GPR158: variants seen among roughly 807,000 people sequenced by gnomAD.
The protein encoded by GPR158 is metabotropic glycine receptor.
GPR158 carries 30 observed loss-of-function variants against 78.2 expected under a neutral mutation model. The observed-to-expected ratio is 0.38, with a 90% CI of 0.29 to 0.52. The LOEUF is 0.52. Among genes scored for constraint, GPR158 ranks in the 20% least tolerant of loss-of-function variants. GPR158 has a pLI of 0.83. For missense variants in GPR158, 1,463 were observed against 1,523.5 expected, an observed-to-expected ratio of 0.96 and a Z score of 0.66; for synonymous variants, 581 against 591.1, an observed-to-expected ratio of 0.98 and a Z score of 0.25.
At chr10:25,279,529 G>A (rs1252807086) in intron 2 of GPR158, among the ~76,000 whole-genome samples, 1 of 151,798 alleles carries the variant, frequency 6.6e-6, no homozygotes, top group Non-Finnish European at 1.5e-5. Flanking sequence ...TTGTGCAGGG[G>A]GAAGTGTATT....
intron 2 of GPR158, among the ~76,000 whole-genome samples, chr10:25,301,814 T>A (rs1488586335): frequency 7.1e-6 from 1 of 141,456 alleles, no homozygotes; most frequent in Non-Finnish European, 1.5e-5. Context: ...TATGCCTGTG[T>A]TACCACTTGC....
intron 7 of GPR158, among the ~76,000 whole-genome samples, chr10:25,583,616 G>C (rs1837230715): frequency 6.6e-6 from 1 of 151,844 alleles, no homozygotes; most frequent in Non-Finnish European, 1.5e-5. Context: ...TCTGTCATTA[G>C]AAAGAAAACA....
chr10:25,394,418 T>C (rs1235320188), intron 2 of GPR158, among the ~76,000 whole-genome samples: 1 of 152,254 alleles, frequency 6.6e-6, no homozygotes, highest in Admixed American at 6.5e-5. Flanking sequence ...ATACATGTTA[T>C]AGTTACTTCT....
chr10:25,262,060 C>G (rs1483546436), intron 2 of GPR158, among the ~76,000 whole-genome samples: 1 of 152,036 alleles, frequency 6.6e-6, no homozygotes, highest in Admixed American at 6.6e-5. Flanking sequence ...TGTTCTGAAG[C>G]CTAGGGTTTG....
chr10:25,490,642 A>G (rs1212027995), intron 5 of GPR158, among the ~76,000 whole-genome samples: 3 of 150,332 alleles, frequency 2.0e-5, no homozygotes, highest in South Asian at 2.1e-4. Flanking sequence ...TTATGGCTGC[A>G]TAGTATTCCG....
chr10:25,219,126 C>T (rs1853261986), intron 1 of GPR158, among the ~76,000 whole-genome samples: 1 of 152,194 alleles, frequency 6.6e-6, no homozygotes, highest in Non-Finnish European at 1.5e-5. Context: ...ATTGAAAGTT[C>T]TGATAGTGAA....
At chr10:25,186,792 G>A (rs1249769957) in intron 1 of GPR158, among the ~76,000 whole-genome samples, 1 of 147,818 alleles carries the variant, frequency 6.8e-6, no homozygotes, top group African/African-American at 2.7e-5. Flanking sequence ...TCTACCAGAG[G>A]TACAAGGAGG....
intron 2 of GPR158, among the ~76,000 whole-genome samples, chr10:25,311,828 A>ACG (rs1554792870): frequency 2.0e-5 from 3 of 151,688 alleles, no homozygotes; most frequent in Non-Finnish European, 4.4e-5. Flanking sequence ...ACAGTTAAGA[A>ACG]TTTTTTTAAC....
At chr10:25,296,163 C>T (rs957246308) in intron 2 of GPR158, among the ~76,000 whole-genome samples, 3 of 152,000 alleles carry the variant, frequency 2.0e-5, no homozygotes, top group African/African-American at 7.3e-5. Flanking sequence ...CTTACTCTCA[C>T]CTCGAGGCAA....
chr10:25,568,936 T>C (rs1048588650), intron 6 of GPR158, among the ~76,000 whole-genome samples: 7 of 152,188 alleles, frequency 4.6e-5, no homozygotes, highest in African/African-American at 1.4e-4. Flanking sequence ...ATTTGAATTT[T>C]TTTCTACAGT....
At chr10:25,302,376 G>A (rs1427028329) in intron 2 of GPR158, among the ~76,000 whole-genome samples, 5 of 151,890 alleles carry the variant, frequency 3.3e-5, no homozygotes, top group African/African-American at 9.7e-5. Flanking sequence ...GAGCCACCGC[G>A]CCCGGCCATT....
intron 2 of GPR158, among the ~76,000 whole-genome samples, chr10:25,319,826 C>CT (rs1221126377): frequency 6.9e-6 from 1 of 144,510 alleles, no homozygotes; most frequent in Admixed American, 6.7e-5. Context: ...CACCCCACCC[C>CT]CCCCAAAAAA....
chr10:25,370,654 G>A (rs1833974520), intron 2 of GPR158, among the ~76,000 whole-genome samples: 1 of 149,898 alleles, frequency 6.7e-6, no homozygotes, highest in East Asian at 2.0e-4. Flanking sequence ...GTTGATTTGG[G>A]GTGGAGAGTT....
intron 2 of GPR158, among the ~76,000 whole-genome samples, chr10:25,337,481 A>C (rs1416464932): frequency 6.6e-6 from 1 of 152,068 alleles, no homozygotes; most frequent in Non-Finnish European, 1.5e-5. Context: ...GCGTAGCAAT[A>C]GTAGTTTATT....
chr10:25,474,486 C>A (rs953806910), intron 5 of GPR158, among the ~76,000 whole-genome samples: 1 of 152,094 alleles, frequency 6.6e-6, no homozygotes, highest in African/African-American at 2.4e-5. Flanking sequence ...AGATAAGTAT[C>A]AGTTTTTTAG....
chr10:25,412,518 CTCTTA>C, intron 4 of GPR158, 45 bp downstream of exon 4: 1 of 1,308,596 alleles, frequency 7.6e-7, no homozygotes, highest in Non-Finnish European at 1.1e-6. Flanking sequence ...ACAGAGCAAC[CTCTTA>C]TCTTTTTAAG....
In GPR158 at chr10:25,176,904, C is replaced by T. The variant is rs1017831689; in HGVS notation, c.902+582C>T. On this transcript the variant is annotated intron_variant, in intron 1 of 10. Transcript: ENST00000376351. The surrounding 1 kb of genome is among the most constrained non-coding windows in gnomAD (Gnocchi z 6.3). ...CCGGCCCCTCAGCAGTGAGTCAGTC[C>T]CAGCAGCTAGCTGTCTCTGGGATCC... 7.2e-5 allele frequency among the ~76,000 whole-genome samples: 11 copies of T among 152,142 alleles called. No individual in the cohort carries two copies. The highest frequency in any genetic ancestry group is 2.4e-4 in the African/African-American group (10 of 41,434).
chr10:25,397,918 G>A (rs552824694), intron 3 of GPR158, among the ~76,000 whole-genome samples: 1 of 152,190 alleles, frequency 6.6e-6, no homozygotes, highest in Non-Finnish European at 1.5e-5. Context: ...GAAGGAGAGA[G>A]AGAATCTTCT....
At position 25,176,210 on chromosome 10, in the gene GPR158, A is replaced by G. The variant is rs1279942006; in HGVS notation, c.790A>G (p.Lys264Glu). 2 of 1,592,274 alleles carry G rather than the reference A, an allele frequency of 1.3e-6. No individual in the cohort carries two copies. The highest frequency in any genetic ancestry group is 1.7e-6 in the Non-Finnish European group (2 of 1,170,644). ...GCTCGGCGGGGACAAGAGCCACTTCAAGTGGTCTCCGCCTTATCTGGAGTG... is the reference window on the plus strand; with the variant it reads ...GCTCGGCGGGGACAAGAGCCACTTCGAGTGGTCTCCGCCTTATCTGGAGTG... ...DGLGGDKSHFKWSPPYLECEN... is the reference protein window; with the variant it reads ...DGLGGDKSHFEWSPPYLECEN... The change falls in exon 1 of 11, where the codon AAG becomes GAG. Residue 264 changes from lysine to glutamate, a missense_variant. Transcript: ENST00000376351. This position sits in a 1 kb window ranked among gnomAD's most constrained non-coding sequence, Gnocchi z 6.3.
Sources: gnomAD v4.1 joint callset for allele counts (sites outside exome capture counted in the v4.1 genomes callset) on GRCh38, gnomAD v4.1.1 for gene constraint, Gnocchi (gnomAD v3.1) non-coding constraint, MANE v1.5 for transcripts, NCBI Gene and HGNC (gene_info 2026-07-23, HGNC 2026-07-21) for gene names.